TMCO6: variants seen among roughly 807,000 people sequenced by gnomAD.
TMCO6 encodes the protein transmembrane and coiled-coil domain-containing protein 6.
In TMCO6, 47 loss-of-function variants were observed where a neutral mutation model predicts 61.8. The ratio of observed to expected loss-of-function variants is 0.76; its 90% CI spans 0.60 to 0.97. The LOEUF is 0.97. TMCO6 is among the 50% of genes least tolerant of loss of function. TMCO6 has a pLI of 0.00. For synonymous variants in TMCO6, 261 were observed against 254.2 expected (o/e 1.03, Z -0.25); for missense variants, 557 against 601.6 (o/e 0.93, Z 0.78).
At chr5:140,645,760 C>A (rs759199995), downstream of TMCO6, 2 of 1,598,790 alleles carry the variant, frequency 1.3e-6, no homozygotes, top group Non-Finnish European at 1.7e-6. Context: ...TTGTCTTTAT[C>A]TTAGTCTTGT....
At chr5:140,609,647 CA>C in the TMCO6 span, among the ~76,000 whole-genome samples, 30 of 142,104 alleles carry the variant, frequency 2.1e-4, no homozygotes, top group South Asian at 6.7e-4. Flanking sequence ...TCATACACAC[CA>C]AAAAAAAAAG....
the TMCO6 span, among the ~76,000 whole-genome samples, chr5:140,634,273 G>A: frequency 6.6e-6 from 1 of 152,032 alleles, no homozygotes; most frequent in Non-Finnish European, 1.5e-5. Context: ...GGAAGGAAGG[G>A]ATGGGACTAT....
At chr5:140,642,856 C>CT (rs1320334247) in intron 6 of TMCO6, 69 bp from the exon 7 acceptor site, 4 of 1,612,132 alleles carry the variant, frequency 2.5e-6, no homozygotes, top group Non-Finnish European at 3.4e-6. Context: ...CTCCCACCTG[C>CT]TATCAGGGTT....
chr5:140,639,320 G>T, upstream of TMCO6: 1 of 581,548 alleles, frequency 1.7e-6, no homozygotes, highest in Non-Finnish European at 3.1e-6. Flanking sequence ...TGGTCTAGTG[G>T]TGCAGCGTCT....
Position 140,639,589 on chromosome 5 carries a change from G to A in TMCO6, c.62G>A (p.Arg21His), listed in dbSNP as rs1177407963. 1.3e-6 allele frequency: 2 copies of A among 1,544,362 alleles called. No individual in the cohort carries two copies. The highest frequency in any genetic ancestry group is 1.2e-5 in the South Asian group (1 of 83,516). The change falls in exon 1 of 12, where the codon CGC (arginine) becomes CAC (histidine). Residue 21 changes from arginine to histidine, a missense_variant. By Grantham distance (29) the Arg-to-His change is conservative. Coordinates refer to ENST00000394671, the MANE Select transcript of TMCO6 (RefSeq NM_018502.5). ...GTCTGCGGGGTGGAGGAGCTACGGCGCCGCCGGCGGGAGCGGGAGGCAGGT... is the reference window on the plus strand; with the variant it reads ...GTCTGCGGGGTGGAGGAGCTACGGCACCGCCGGCGGGAGCGGGAGGCAGGT... The part of the protein sequence containing the change: ...PTVCGVEELR[R>H]RRREREAALR...
At chr5:140,628,012 T>C in the TMCO6 span, among the ~76,000 whole-genome samples, 3 of 64,612 alleles carry the variant, frequency 4.6e-5, no homozygotes, top group Admixed American at 4.3e-4. Flanking sequence ...GTTGACTATC[T>C]TTTTTTTTTT....
At chr5:140,642,530 C>T in intron 5 of TMCO6, 56 bp from the exon 6 acceptor site, 1 of 1,608,166 alleles carries the variant, frequency 6.2e-7, no homozygotes, top group Non-Finnish European at 8.5e-7. Flanking sequence ...GGCTGAAAGT[C>T]TCTGAAGACC....
the TMCO6 span, among the ~76,000 whole-genome samples, chr5:140,618,001 C>A: frequency 1.3e-5 from 2 of 152,118 alleles, no homozygotes; most frequent in African/African-American, 4.8e-5. Context: ...AGGACTGACA[C>A]TACCTGACTT....
At chr5:140,627,917 A>T in the TMCO6 span, among the ~76,000 whole-genome samples, 2,109 of 152,146 alleles carry the variant, frequency 0.014, 59 homozygotes, top group African/African-American at 0.049. Flanking sequence ...AAAACAAGTA[A>T]CATATCTGAT....
chr5:140,628,392 T>C, the TMCO6 span, among the ~76,000 whole-genome samples: 3 of 152,150 alleles, frequency 2.0e-5, no homozygotes, highest in Admixed American at 1.3e-4. Flanking sequence ...AAGATGGAGT[T>C]GCTCTGATTT....
chr5:140,629,372 A>G, the TMCO6 span, among the ~76,000 whole-genome samples: 1 of 152,208 alleles, frequency 6.6e-6, no homozygotes, highest in African/African-American at 2.4e-5. Context: ...TACATCTCCC[A>G]CATGCTTTAA....
At chr5:140,597,206 G>A in the TMCO6 span, among the ~76,000 whole-genome samples, 1 of 152,176 alleles carries the variant, frequency 6.6e-6, no homozygotes, top group Admixed American at 6.5e-5. Flanking sequence ...CTAATATTTG[G>A]AGAAGTCAGT....
chr5:140,647,594 A>T (rs770245226), downstream of TMCO6: 2 of 1,608,480 alleles, frequency 1.2e-6, no homozygotes, highest in Non-Finnish European at 1.7e-6. Context: ...CCTTGTTAAT[A>T]TCGAAGTCGC....
chr5:140,624,599 G>A, the TMCO6 span, among the ~76,000 whole-genome samples: 7 of 151,670 alleles, frequency 4.6e-5, no homozygotes, highest in Admixed American at 2.0e-4. Context: ...TTTTTGAAAC[G>A]GAGTCTCACT....
At chr5:140,628,892 G>A in the TMCO6 span, among the ~76,000 whole-genome samples, 84 of 152,268 alleles carry the variant, frequency 5.5e-4, no homozygotes, top group African/African-American at 1.6e-3. Flanking sequence ...AGTTACTAAC[G>A]AGCTAGTAGT....
the TMCO6 span, among the ~76,000 whole-genome samples, chr5:140,612,010 T>G: frequency 6.6e-6 from 1 of 152,132 alleles, no homozygotes; most frequent in Non-Finnish European, 1.5e-5. Flanking sequence ...GAGAGCAAGT[T>G]TTTTTTGAGA....
the TMCO6 span, among the ~76,000 whole-genome samples, chr5:140,627,309 C>A: frequency 1.3e-5 from 2 of 151,998 alleles, no homozygotes; most frequent in African/African-American, 4.8e-5. Flanking sequence ...TCTGATCTTT[C>A]CAGCATAGCT....
chr5:140,604,238 CA>C, the TMCO6 span, among the ~76,000 whole-genome samples: 1 of 151,756 alleles, frequency 6.6e-6, no homozygotes, highest in Non-Finnish European at 1.5e-5. Context: ...TACTAAAAAT[CA>C]AAACAATTAG....
At chr5:140,613,950 G>T in the TMCO6 span, among the ~76,000 whole-genome samples, 2 of 151,774 alleles carry the variant, frequency 1.3e-5, no homozygotes, top group African/African-American at 4.8e-5. Flanking sequence ...CCAGGCTGGA[G>T]TGCAGTGGTG....
Sources: allele counts gnomAD v4.1 joint callset (sites outside exome capture counted in the v4.1 genomes callset), GRCh38; gene constraint gnomAD v4.1.1; transcripts MANE v1.5; gene names NCBI Gene and HGNC (gene_info 2026-07-23, HGNC 2026-07-21).